LHPP: variants seen among roughly 807,000 people sequenced by gnomAD.
LHPP encodes hLHPP.
Under a neutral mutation model 30.3 loss-of-function variants are expected in LHPP, and 24 were observed. That is an observed-to-expected ratio of 0.79 (90% confidence interval 0.57 to 1.11). The LOEUF (loss-of-function observed/expected upper bound fraction) is 1.11. LHPP is among the 50% of genes most tolerant of loss of function. The pLI is 0.00. For missense variants in LHPP, 356 were observed against 367.2 expected (o/e 0.97, Z 0.25); for synonymous variants, 150 against 157.1 (o/e 0.95, Z 0.34).
chr10:124,506,893 G>A (rs1470313585), intron 5 of LHPP, among the ~76,000 whole-genome samples: 1 of 33,988 alleles, frequency 2.9e-5, no homozygotes, highest in Non-Finnish European at 5.9e-5. Flanking sequence ...TTCAGGTTGG[G>A]GGGTAGGGAG....
intron 6 of LHPP, among the ~76,000 whole-genome samples, chr10:124,573,795 C>G (rs1948619495): frequency 6.6e-6 from 1 of 152,178 alleles, no homozygotes; most frequent in African/African-American, 2.4e-5. Context: ...TGGACTTGGG[C>G]CCCCTAGGCC....
intron 6 of LHPP, among the ~76,000 whole-genome samples, chr10:124,543,376 T>G (rs1351839918): frequency 1.3e-5 from 2 of 152,240 alleles, no homozygotes; most frequent in African/African-American, 4.8e-5. Flanking sequence ...ACAGCCATCT[T>G]TCCAGCGAGG....
intron 6 of LHPP, among the ~76,000 whole-genome samples, chr10:124,519,322 T>C (rs1239982451): frequency 6.6e-6 from 1 of 152,244 alleles, no homozygotes; most frequent in Non-Finnish European, 1.5e-5. Flanking sequence ...AACAGACTGG[T>C]AATATTTTGG....
chr10:124,553,109 G>T (rs890150424), intron 6 of LHPP, among the ~76,000 whole-genome samples: 1 of 152,238 alleles, frequency 6.6e-6, no homozygotes, highest in Non-Finnish European at 1.5e-5. Context: ...AGGGCAGTCA[G>T]TGCCTGCTTT....
rs66509841 is a variant in LHPP at position 124,523,651 on chromosome 10, A to C, written c.716+6380A>C. Among the ~76,000 whole-genome samples the C allele has an allele frequency of 1.3e-5, 2 of 152,096 alleles. No individual in the cohort carries two copies. Among genetic ancestry groups the C allele is most frequent in the East Asian group, 3.9e-4 (2 of 5,188 alleles). ...ATGTCAAAGTGAGTGGCTAGCAAGCAGGGGGGTCCAGGCTGTGGTGGCCCT... is the reference window on the plus strand; with the variant it reads ...ATGTCAAAGTGAGTGGCTAGCAAGCCGGGGGGTCCAGGCTGTGGTGGCCCT... On this transcript the variant is annotated intron_variant, in intron 6 of 6. Transcript: ENST00000368842. This position sits in a 1 kb window ranked among gnomAD's most constrained non-coding sequence, Gnocchi z 4.2.
intron 1 of LHPP, among the ~76,000 whole-genome samples, chr10:124,469,766 C>T (rs868539941): frequency 1.2e-4 from 19 of 152,080 alleles, no homozygotes; most frequent in Non-Finnish European, 5.9e-5. Flanking sequence ...CAGGTGGAGC[C>T]GATGCTGCAG....
chr10:124,604,501 T>G (rs540342815), intron 6 of LHPP, among the ~76,000 whole-genome samples: 11 of 152,292 alleles, frequency 7.2e-5, no homozygotes, highest in African/African-American at 2.6e-4. Context: ...GCTGCGGGTG[T>G]GCAGGTGGAG....
chr10:124,607,159 G>A (rs1252574876), intron 6 of LHPP, among the ~76,000 whole-genome samples: 2 of 152,310 alleles, frequency 1.3e-5, no homozygotes, highest in African/African-American at 4.8e-5. Context: ...ACCCACTGCC[G>A]AGGACACACC....
intron 1 of LHPP, among the ~76,000 whole-genome samples, chr10:124,474,820 C>G (rs895734975): frequency 5.9e-5 from 9 of 152,102 alleles, no homozygotes; most frequent in African/African-American, 2.2e-4. Flanking sequence ...GGGCTCCCTG[C>G]TGGTGTAAAC....
chr10:124,567,512 A>G (rs533210183), intron 6 of LHPP, among the ~76,000 whole-genome samples: 1 of 152,322 alleles, frequency 6.6e-6, no homozygotes, highest in South Asian at 2.1e-4. Context: ...GCAATGTTTA[A>G]TAGATAGTAA....
chr10:124,598,852 CCTGTCCAT>C (rs1012028344), intron 6 of LHPP, among the ~76,000 whole-genome samples: 5 of 149,582 alleles, frequency 3.3e-5, no homozygotes, highest in African/African-American at 1.2e-4. Context: ...CATCTGTCCA[CCTGTCCAT>C]CCCCCTATCC....
rs1489663382 is a variant in LHPP at position 124,510,415 on chromosome 10, C to T, written c.625-6765C>T. On this transcript the variant is annotated intron_variant, in intron 5 of 6. Coordinates refer to ENST00000368842, the MANE Select transcript of LHPP (RefSeq NM_022126.4). This position sits in a 1 kb window ranked among gnomAD's most constrained non-coding sequence, Gnocchi z 4.0. Reference sequence around the variant, plus strand: ...CCCAGCCGGCCCTGGCGTCCCGGCCCCCAGCCTCCGCCTCCCTCGCCGACA... The same window carrying T: ...CCCAGCCGGCCCTGGCGTCCCGGCCTCCAGCCTCCGCCTCCCTCGCCGACA... 6.6e-6 allele frequency among the ~76,000 whole-genome samples: 1 copy of T among 152,234 alleles called. No individual in the cohort carries two copies. The highest frequency in any genetic ancestry group is 2.4e-5 in the African/African-American group (1 of 41,458).
chr10:124,557,107 C>T, intron 6 of LHPP, among the ~76,000 whole-genome samples: 1 of 152,156 alleles, frequency 6.6e-6, no homozygotes, highest in South Asian at 2.1e-4. Context: ...GCCTGGAGTC[C>T]ACGCGGACCA....
intron 6 of LHPP, among the ~76,000 whole-genome samples, chr10:124,607,710 A>G (rs936261762): frequency 2.0e-5 from 3 of 152,136 alleles, no homozygotes; most frequent in African/African-American, 7.2e-5. Flanking sequence ...CGGATGATGA[A>G]TCATGGGCGG....
intron 6 of LHPP, among the ~76,000 whole-genome samples, chr10:124,594,911 A>G (rs935494952): frequency 2.0e-5 from 3 of 152,106 alleles, no homozygotes; most frequent in African/African-American, 4.8e-5. Flanking sequence ...GATTACAGGC[A>G]TGAGCCACCG....
chr10:124,506,211 T>C (rs543956031), intron 5 of LHPP, among the ~76,000 whole-genome samples: 2 of 151,740 alleles, frequency 1.3e-5, no homozygotes, highest in Admixed American at 1.3e-4. Context: ...ATGGTACCAC[T>C]GTACTCTAGG....
At chr10:124,562,907 G>A (rs950639615) in intron 6 of LHPP, among the ~76,000 whole-genome samples, 5 of 150,984 alleles carry the variant, frequency 3.3e-5, no homozygotes, top group Non-Finnish European at 5.9e-5. Context: ...ACCTCAGCCT[G>A]GGCGACAAAA....
At chr10:124,587,162 G>C (rs1456198534) in intron 6 of LHPP, among the ~76,000 whole-genome samples, 1 of 151,556 alleles carries the variant, frequency 6.6e-6, no homozygotes, top group Non-Finnish European at 1.5e-5. Context: ...CTCCCGAGTA[G>C]CTGGGATTAC....
chr10:124,567,163 A>C (rs1948505051), intron 6 of LHPP, among the ~76,000 whole-genome samples: 1 of 152,218 alleles, frequency 6.6e-6, no homozygotes, highest in African/African-American at 2.4e-5. Context: ...GGGATGCCCC[A>C]GCCCTTCATC....
Sources: gnomAD v4.1 joint callset for allele counts (sites outside exome capture counted in the v4.1 genomes callset) on GRCh38, gnomAD v4.1.1 for gene constraint, Gnocchi (gnomAD v3.1) non-coding constraint, MANE v1.5 for transcripts, NCBI Gene and HGNC (gene_info 2026-07-23, HGNC 2026-07-21) for gene names.